The following MYO1D variants were observed in gnomAD, a reference collection of about 807,000 sequenced individuals.
MYO1D encodes myosin ID.
Under a neutral mutation model 122.0 loss-of-function variants are expected in MYO1D, and 83 were observed. The observed-to-expected ratio is 0.68, with a 90% CI of 0.57 to 0.82. The LOEUF (loss-of-function observed/expected upper bound fraction) is 0.82. MYO1D is among the 40% of genes least tolerant of loss of function. The probability of loss-of-function intolerance (pLI) is 0.00; values close to 1 mark genes in which losing one functional copy is unlikely to be tolerated. For missense variants in MYO1D, 1,157 were observed against 1,269.5 expected, an observed-to-expected ratio of 0.91 and a Z score of 1.35; for synonymous variants, 464 against 446.9, an observed-to-expected ratio of 1.04 and a Z score of -0.48.
At chr17:32,771,362 TG>T (rs1283112036) in intron 5 of MYO1D, 142 bp from the exon 6 acceptor site, 1 of 576,446 alleles carries the variant, frequency 1.7e-6, no homozygotes, top group Non-Finnish European at 2.9e-6. Context: ...TTTGCTTGTT[TG>T]TTTTTTTAAA....
At chr17:32,759,994 C>T (rs1033928289) in intron 10 of MYO1D, 1 of 588,684 alleles carries the variant, frequency 1.7e-6, no homozygotes, top group Non-Finnish European at 3.0e-6. Context: ...ATAAAGTATG[C>T]TAAACCTAAC....
chr17:32,676,536 T>C (rs1266245387), intron 16 of MYO1D, among the ~76,000 whole-genome samples: 1 of 152,084 alleles, frequency 6.6e-6, no homozygotes, highest in Non-Finnish European at 1.5e-5. Context: ...GCTAGGTGTT[T>C]CAGAGAAAAA....
intron 12 of MYO1D, among the ~76,000 whole-genome samples, chr17:32,746,939 C>CCT (rs1331848986): frequency 6.6e-6 from 1 of 152,178 alleles, no homozygotes; most frequent in Non-Finnish European, 1.5e-5. Context: ...ATCTCTAAGG[C>CCT]CTCTATCCAG....
chr17:32,636,917 G>C (rs569587259), intron 20 of MYO1D, among the ~76,000 whole-genome samples: 1 of 152,190 alleles, frequency 6.6e-6, no homozygotes, highest in African/African-American at 2.4e-5. Flanking sequence ...AATACGAGAC[G>C]GTATGGGCAG....
At chr17:32,611,335 T>C (rs556687763) in intron 20 of MYO1D, among the ~76,000 whole-genome samples, 4 of 152,244 alleles carry the variant, frequency 2.6e-5, no homozygotes, top group Admixed American at 1.3e-4. Context: ...ATAGATACTT[T>C]AGAAAATTAA....
At chr17:32,849,795 C>A (rs2090970520) in intron 1 of MYO1D, among the ~76,000 whole-genome samples, 1 of 118,680 alleles carries the variant, frequency 8.4e-6, no homozygotes, top group African/African-American at 3.2e-5. Context: ...CACATGTACC[C>A]TAAAACTTAA....
At chr17:32,522,081 CAAAAAAAAAAA>C (rs35096680) in intron 21 of MYO1D, among the ~76,000 whole-genome samples, 1 of 63,228 alleles carries the variant, frequency 1.6e-5, no homozygotes, top group Non-Finnish European at 2.8e-5. Context: ...GACTCTGTCT[CAAAAAAAAAAA>C]AAAAAAAAAA....
intron 20 of MYO1D, among the ~76,000 whole-genome samples, chr17:32,621,384 T>C (rs1666753418): frequency 6.6e-6 from 1 of 152,024 alleles, no homozygotes; most frequent in African/African-American, 2.4e-5. Context: ...TTATTTTTGT[T>C]TGCATTTGCC....
intron 12 of MYO1D, chr17:32,745,755 A>C (rs969996551): frequency 6.4e-6 from 1 of 157,252 alleles, no homozygotes; most frequent in Non-Finnish European, 1.4e-5. Context: ...ACAGGGAAAC[A>C]GATCAAATGG....
At chr17:32,828,728 A>G (rs945383401) in intron 1 of MYO1D, among the ~76,000 whole-genome samples, 2 of 152,180 alleles carry the variant, frequency 1.3e-5, no homozygotes, top group Non-Finnish European at 2.9e-5. Context: ...TAAAAGGGGT[A>G]GAAAAGCTAA....
intron 16 of MYO1D, among the ~76,000 whole-genome samples, chr17:32,696,411 T>C (rs2089174976): frequency 6.6e-6 from 1 of 152,098 alleles, no homozygotes; most frequent in Non-Finnish European, 1.5e-5. Context: ...GACAGTATAA[T>C]GTGGAAACAG....
intron 20 of MYO1D, among the ~76,000 whole-genome samples, chr17:32,629,027 T>C (rs1486914520): frequency 6.6e-6 from 1 of 152,172 alleles, no homozygotes; most frequent in East Asian, 1.9e-4. Context: ...TATAATGAAC[T>C]ATTTCTTGAC....
chr17:32,728,780 G>A (rs2089604917), intron 14 of MYO1D, among the ~76,000 whole-genome samples: 1 of 152,110 alleles, frequency 6.6e-6, no homozygotes, highest in African/African-American at 2.4e-5. Flanking sequence ...AATCTTATAA[G>A]GCATCATATG....
intron 21 of MYO1D, among the ~76,000 whole-genome samples, chr17:32,543,806 T>A (rs1910928609): frequency 6.6e-6 from 1 of 151,992 alleles, no homozygotes; most frequent in African/African-American, 2.4e-5. Context: ...CTTGCTTTTT[T>A]TTTTGAGATG....
At chr17:32,517,824 A>G (rs1258852334) in intron 21 of MYO1D, among the ~76,000 whole-genome samples, 1 of 152,270 alleles carries the variant, frequency 6.6e-6, no homozygotes. Flanking sequence ...TAGAAAGAAG[A>G]ATTACAAGAA....
intron 13 of MYO1D, among the ~76,000 whole-genome samples, chr17:32,738,963 C>T (rs2089742176): frequency 2.0e-5 from 3 of 152,130 alleles, no homozygotes; most frequent in Admixed American, 1.3e-4. Flanking sequence ...CTGTAGGTAG[C>T]ATTGGCAGTT....
At chr17:32,779,008 C>A (rs911811537) in intron 2 of MYO1D, among the ~76,000 whole-genome samples, 1 of 151,822 alleles carries the variant, frequency 6.6e-6, no homozygotes, top group African/African-American at 2.4e-5. Context: ...CAAAATAATT[C>A]GTCTAAAAAA....
intron 16 of MYO1D, among the ~76,000 whole-genome samples, chr17:32,691,795 G>A (rs887862645): frequency 1.3e-5 from 2 of 152,102 alleles, no homozygotes; most frequent in Non-Finnish European, 2.9e-5. Flanking sequence ...CTGGATTAGA[G>A]GCAAATATAA....
At chr17:32,558,138 A>G (rs983654924) in intron 21 of MYO1D, among the ~76,000 whole-genome samples, 2 of 152,118 alleles carry the variant, frequency 1.3e-5, no homozygotes, top group African/African-American at 4.8e-5. Context: ...AGTTTAAAAC[A>G]GTTTGTCTGT....
Sources: allele counts gnomAD v4.1 joint callset (sites outside exome capture counted in the v4.1 genomes callset), GRCh38; gene constraint gnomAD v4.1.1; transcripts MANE v1.5; gene names NCBI Gene and HGNC (gene_info 2026-07-23, HGNC 2026-07-21).